Variants in TRIM71 observed in about 807,000 individuals in gnomAD.
The protein encoded by TRIM71 is tripartite motif containing 71.
Under a neutral mutation model 61.2 loss-of-function variants are expected in TRIM71, and 9 were observed. The ratio of observed to expected loss-of-function variants is 0.15; its 90% CI spans 0.09 to 0.26. The LOEUF is 0.26. Ranked by LOEUF, TRIM71 falls within the 10% of genes least tolerant of loss-of-function variation. TRIM71 has a pLI of 1.00. For synonymous variants in TRIM71, 645 were observed against 553.2 expected (o/e 1.17, Z -2.33); for missense variants, 998 against 1,238.7 (o/e 0.81, Z 2.92).
At chr3:32,863,975 G>T (rs1016905893) in intron 1 of TRIM71, among the ~76,000 whole-genome samples, 1 of 152,154 alleles carries the variant, frequency 6.6e-6, no homozygotes, top group African/African-American at 2.4e-5. Flanking sequence ...GAGCCACCAC[G>T]CCTGAACTTC....
chr3:32,893,494 T>G lies in TRIM71; in HGVS notation c.*1683T>G, dbSNP rs540964491. On this transcript the variant is annotated 3_prime_UTR_variant, in exon 4 of 4. Transcript: ENST00000383763. ...TGGGTTCCTGCAATGCCCCAAATAC[T>G]GAAATAAGAACCAAATTCTGGAGGA... 2.0e-5 allele frequency: 3 copies of G among 152,236 alleles called. No individual in the cohort carries two copies. The highest frequency in any genetic ancestry group is 2.1e-4 in the South Asian group (1 of 4,834). The allele number at this position is 152,236 out of a possible 1,614,324, so 9.4% of individuals were successfully genotyped here.
rs945532508 is a variant in TRIM71, at chr3:32,894,946, C to A, written c.*3135C>A. ...TTCTGGGGAGTAAGTATGACAATTA[C>A]TAGTCCCCATGGAGGTCTGATCTGG... On this transcript the variant is annotated 3_prime_UTR_variant, in exon 4 of 4. Transcript: ENST00000383763. The A allele has an allele frequency of 6.6e-6, 1 of 152,184 alleles. No homozygotes were observed. Among genetic ancestry groups the A allele is most frequent in the Non-Finnish European group, 1.5e-5 (1 of 68,044 alleles). The allele number at this position is 152,184 out of a possible 1,614,324, so 9.4% of individuals were successfully genotyped here.
At chr3:32,886,966 T>C (rs1052965435) in intron 3 of TRIM71, among the ~76,000 whole-genome samples, 14 of 152,356 alleles carry the variant, frequency 9.2e-5, no homozygotes, top group African/African-American at 3.1e-4. Context: ...GACAAGAGAC[T>C]TTGGAGGTGT....
At chr3:32,861,972 C>T (rs1055666451) in intron 1 of TRIM71, among the ~76,000 whole-genome samples, 4 of 152,356 alleles carry the variant, frequency 2.6e-5, no homozygotes, top group African/African-American at 9.6e-5. Flanking sequence ...TCCACTGCTT[C>T]CCAGGATTGG....
In TRIM71 at chr3:32,876,582, T is replaced by TCAAA. The variant is rs201053539; in HGVS notation, c.1020+2608_1020+2611dup. Among the ~76,000 whole-genome samples, 98 of 152,146 alleles carry TCAAA rather than the reference T, an allele frequency of 6.4e-4. 1 individual carries two copies. The East Asian group carries it at 0.018, about 28-fold the overall frequency. On this transcript the variant is annotated intron_variant, in intron 2 of 3. Coordinates refer to ENST00000383763, the MANE Select transcript of TRIM71 (RefSeq NM_001039111.3). Reference sequence around the variant, plus strand: ...CTGGACGACCGAATGAGACTCCATCTCAAACAAACAAACAGACAAACAAAA... The same window carrying TCAAA: ...CTGGACGACCGAATGAGACTCCATCTCAAACAAACAAACAAACAGACAAACAAAA...
At chr3:32,827,924 T>C (rs186016904) in intron 1 of TRIM71, among the ~76,000 whole-genome samples, 1 of 152,292 alleles carries the variant, frequency 6.6e-6, no homozygotes, top group Non-Finnish European at 1.5e-5. Context: ...GAAATGCCAG[T>C]GGATTTGGGG....
At chr3:32,856,828 C>T (rs1455602007) in intron 1 of TRIM71, among the ~76,000 whole-genome samples, 1 of 152,220 alleles carries the variant, frequency 6.6e-6, no homozygotes, top group Non-Finnish European at 1.5e-5. Flanking sequence ...GGCTGGAACC[C>T]TTACGGGCTC....
chr3:32,846,534 T>C (rs947417606), intron 1 of TRIM71, among the ~76,000 whole-genome samples: 3 of 152,180 alleles, frequency 2.0e-5, no homozygotes, highest in Non-Finnish European at 4.4e-5. Flanking sequence ...TTAAAATCTG[T>C]TCTCAATACA....
rs753494014 is a variant in TRIM71 at position 32,886,086 on chromosome 3, C to G, written c.1155+18C>G. The G allele has an allele frequency of 2.5e-6, 4 of 1,605,770 alleles. No homozygotes were observed. The highest frequency in any genetic ancestry group is 3.4e-6 in the Non-Finnish European group (4 of 1,176,062). On this transcript the variant is annotated intron_variant, in intron 3 of 3. Transcript: ENST00000383763. ...TGTGGAAGGTAACAGGGAGAGCTCC[C>G]CCACCCAGGCTGTGCCCACTCGGCT... is the stretch of plus-strand genomic sequence containing the variant.
intron 1 of TRIM71, among the ~76,000 whole-genome samples, chr3:32,859,408 C>T (rs2125684490): frequency 6.6e-6 from 1 of 152,216 alleles, no homozygotes; most frequent in South Asian, 2.1e-4. Context: ...TACAGGCACA[C>T]ATCAACATGC....
chr3:32,865,739 A>G (rs1265927012), intron 1 of TRIM71, among the ~76,000 whole-genome samples: 1 of 147,874 alleles, frequency 6.8e-6, no homozygotes, highest in Admixed American at 6.8e-5. Context: ...TCAACTCTGT[A>G]AACAGAATTT....
intron 1 of TRIM71, among the ~76,000 whole-genome samples, chr3:32,822,783 G>A (rs555121986): frequency 1.3e-5 from 2 of 152,234 alleles, no homozygotes; most frequent in South Asian, 2.1e-4. Flanking sequence ...TGAAATGTAG[G>A]TATAGCTAAA....
chr3:32,850,516 A>G (rs1696525943), intron 1 of TRIM71, among the ~76,000 whole-genome samples: 1 of 152,214 alleles, frequency 6.6e-6, no homozygotes, highest in Non-Finnish European at 1.5e-5. Context: ...GGCTCCCTCC[A>G]GGAATGGAAA....
At chr3:32,885,323 G>A (rs1696948410) in intron 2 of TRIM71, among the ~76,000 whole-genome samples, 2 of 152,150 alleles carry the variant, frequency 1.3e-5, no homozygotes, top group African/African-American at 2.4e-5. Flanking sequence ...GATTTACTAC[G>A]GCTGGTACAG....
At chr3:32,876,408 A>G (rs2125689681) in intron 2 of TRIM71, among the ~76,000 whole-genome samples, 1 of 152,266 alleles carries the variant, frequency 6.6e-6, no homozygotes, top group Non-Finnish European at 1.5e-5. Flanking sequence ...ACATGGTGAA[A>G]CCCCGTCTCT....
At chr3:32,841,969 C>CA (rs1287273206) in intron 1 of TRIM71, among the ~76,000 whole-genome samples, 1 of 152,162 alleles carries the variant, frequency 6.6e-6, no homozygotes, top group African/African-American at 2.4e-5. Flanking sequence ...TCTTGGAACT[C>CA]ACGCCATACA....
intron 2 of TRIM71, among the ~76,000 whole-genome samples, chr3:32,881,625 A>G (rs1053850996): frequency 1.3e-5 from 2 of 152,190 alleles, no homozygotes; most frequent in African/African-American, 2.4e-5. Context: ...CATCCCAAAG[A>G]TGGTTAAATT....
intron 1 of TRIM71, among the ~76,000 whole-genome samples, chr3:32,837,942 T>C (rs1301178121): frequency 1.3e-5 from 2 of 152,212 alleles, no homozygotes; most frequent in Non-Finnish European, 2.9e-5. Context: ...GCACATTGTT[T>C]TCCTCTGAGC....
At chr3:32,877,572 C>G (rs1391596053) in intron 2 of TRIM71, among the ~76,000 whole-genome samples, 1 of 151,982 alleles carries the variant, frequency 6.6e-6, no homozygotes. Context: ...CTAGGCTGAT[C>G]TCACTCAAAC....
Sources: gnomAD v4.1 joint callset for allele counts (sites outside exome capture counted in the v4.1 genomes callset) on GRCh38, gnomAD v4.1.1 for gene constraint, MANE v1.5 for transcripts, NCBI Gene and HGNC (gene_info 2026-07-23, HGNC 2026-07-21) for gene names.